The following EVI5L variants were observed in gnomAD, a reference collection of about 807,000 sequenced individuals.
EVI5L encodes the protein EVI5-like protein.
EVI5L carries 30 observed loss-of-function variants against 106.1 expected under a neutral mutation model. The ratio of observed to expected loss-of-function variants is 0.28; its 90% confidence interval spans 0.21 to 0.38. EVI5L has a LOEUF of 0.38. EVI5L is among the 10% of genes least tolerant of loss of function. EVI5L has a pLI of 1.00. For synonymous variants in EVI5L, 489 were observed against 483.3 expected, an observed-to-expected ratio of 1.01 and a Z score of -0.15; for missense variants, 809 against 1,098.0, an observed-to-expected ratio of 0.74 and a Z score of 3.72.
rs768402594 is a variant in EVI5L, at chr19:7,851,619, G to C, written c.897+42G>C. ...CCTGGGGAGGGAAGAGAGCCCCTTG[G>C]GGGTGGTTGGAACAGGAGCCTCCCT... On this transcript the variant is annotated intron_variant, in intron 7 of 19. Transcript: ENST00000538904. 3.8e-6 allele frequency: 6 copies of C among 1,599,858 alleles called. No homozygotes were observed. The South Asian group carries it at 4.5e-5, about 12-fold the overall frequency.
At chr19:7,832,606 G>A (rs1978298353) in intron 1 of EVI5L, among the ~76,000 whole-genome samples, 1 of 152,138 alleles carries the variant, frequency 6.6e-6, no homozygotes, top group African/African-American at 2.4e-5. Context: ...TCTCGGAGGG[G>A]AGTCCTATGG....
chr19:7,853,226 G>T, intron 9 of EVI5L, 43 bp downstream of exon 9: 1 of 1,613,938 alleles, frequency 6.2e-7, no homozygotes, highest in South Asian at 1.1e-5. Flanking sequence ...AAGAAGGGGG[G>T]ACCCCCGAGG....
At chr19:7,847,593 AAG>A (rs1491572882) in intron 2 of EVI5L, 137 bp from the exon 3 acceptor site, 4 of 757,182 alleles carry the variant, frequency 5.3e-6, no homozygotes, top group Admixed American at 7.4e-5. Context: ...CTCAAAGAAG[AAG>A]AAAAAAAAAA....
Position 7,862,492 on chromosome 19 carries a change from G to A in EVI5L, c.1905G>A (p.Gln635=), listed in dbSNP as rs1979863224. The part of the protein sequence containing the change: ...LAAQNKGLQT[Q]LSESRRKQAE... The stretch of plus-strand genomic sequence containing the variant: ...CACAGAACAAGGGGCTGCAGACGCA[G>A]CTCAGCGAAAGCCGCCGCAAGCAGG... The change falls in exon 17 of 20, where the codon CAG becomes CAA. Residue 635 remains glutamine (Q), a synonymous_variant. Transcript: ENST00000538904. 2 of 1,579,804 alleles carry A rather than the reference G, an allele frequency of 1.3e-6. No individual in the cohort carries two copies. Among genetic ancestry groups the A allele is most frequent in the African/African-American group, 2.7e-5 (2 of 73,442 alleles).
chr19:7,856,027 G>C lies in EVI5L; in HGVS notation c.1159G>C (p.Glu387Gln). The change falls in exon 11 of 20, where the codon GAG becomes CAG. Residue 387 changes from glutamate (E) to glutamine (Q), a missense_variant. By Grantham distance (29) the Glu-to-Gln change is conservative (BLOSUM62 2). Around this residue, in one of 2 missense-constraint regions of EVI5L, gnomAD observed 357 missense variants for 588.1 expected, o/e 0.61. Coordinates refer to ENST00000538904, the MANE Select transcript of EVI5L (RefSeq NM_001159944.3). The surrounding 1 kb of genome is among the most constrained non-coding windows in gnomAD (Gnocchi z 6.6). ...CCCACCCCCATAGAGACTTCGGACGGAGAACCGGCTCCTGAAACAGCGGAT... is the reference window on the plus strand; with the variant it reads ...CCCACCCCCATAGAGACTTCGGACGCAGAACCGGCTCCTGAAACAGCGGAT... The part of the protein sequence containing the change: ...EQIEIKRLRT[E>Q]NRLLKQRIET... The C allele has an allele frequency of 7.5e-7, 1 of 1,328,582 alleles. No individual in the cohort carries two copies. Among genetic ancestry groups the C allele is most frequent in the Middle Eastern group, 2.0e-4 (1 of 4,948 alleles). The allele number at this position is 1,328,582 out of a possible 1,614,324, so 82.3% of individuals were successfully genotyped here.
intron 10 of EVI5L, chr19:7,853,700 G>T: frequency 3.0e-6 from 1 of 329,336 alleles, no homozygotes; most frequent in Non-Finnish European, 5.8e-6. Flanking sequence ...CCAGGGTGTC[G>T]AGGGCTAAAG....
chr19:7,852,240 G>C (rs1321649468), intron 8 of EVI5L, among the ~76,000 whole-genome samples: 1 of 152,198 alleles, frequency 6.6e-6, no homozygotes, highest in African/African-American at 2.4e-5. Context: ...GCCTCCCACC[G>C]CTACTTCTCT....
Position 7,849,019 on chromosome 19 carries a change from G to C in EVI5L, c.426G>C (p.Glu142Asp). 1 of 1,613,668 alleles carries C rather than the reference G, an allele frequency of 6.2e-7. No individual in the cohort carries two copies. Among genetic ancestry groups the C allele is most frequent in the Non-Finnish European group, 8.5e-7 (1 of 1,180,040 alleles). ...TDMPVKNQYS[E>D]LLKMSSPCEK... is the part of the protein sequence containing the mutation. ...TGCCCGTCAAGAACCAGTACTCCGA[G>C]CTGCTCAAGATGTCCTCGCCGTGCG... The change falls in exon 4 of 20, where the codon GAG becomes GAC. Residue 142 changes from glutamate to aspartate, a missense_variant. By Grantham distance (45) the Glu-to-Asp change is conservative. Coordinates refer to ENST00000538904, the MANE Select transcript of EVI5L (RefSeq NM_001159944.3).
chr19:7,855,206 C>T (rs917401200), intron 10 of EVI5L, among the ~76,000 whole-genome samples: 44 of 150,798 alleles, frequency 2.9e-4, no homozygotes, highest in African/African-American at 1.0e-3. Context: ...AACCCCTGCT[C>T]CCGGGTTCAA....
chr19:7,853,236 G>A, intron 9 of EVI5L, 37 bp from the exon 10 acceptor site: 1 of 1,613,926 alleles, frequency 6.2e-7, no homozygotes, highest in Non-Finnish European at 8.5e-7. Flanking sequence ...GACCCCCGAG[G>A]GCATGACAGT....
Position 7,862,257 on chromosome 19 carries a change from G to A in EVI5L, c.1780G>A (p.Val594Met), listed in dbSNP as rs753752548. ...CGAGGGCCGCGAGCTGCGGCAGCGC[G>A]TGGTGGAACTTGAGACGCAGGTGGA... Reference protein sequence around the residue: ...LAEGRELRQRVVELETQDHIH... With the variant: ...LAEGRELRQRMVELETQDHIH... The change falls in exon 16 of 20, where the codon GTG (valine) becomes ATG (methionine). Residue 594 changes from valine (V) to methionine (M), a missense_variant. Physicochemically the swap from Val to Met is conservative, Grantham distance 21. Around this residue, in one of 2 missense-constraint regions of EVI5L, gnomAD observed 452 missense variants for 509.9 expected, o/e 0.89. Transcript: ENST00000538904. 21 of 1,578,844 alleles carry A rather than the reference G, an allele frequency of 1.3e-5. No homozygotes were observed. In the Admixed American group the frequency reaches 2.2e-4, roughly 17 times the overall value.
At position 7,846,662 on chromosome 19, in the gene EVI5L, G is replaced by A; in HGVS notation, c.120G>A (p.Lys40=). The change falls in exon 2 of 20, where the codon AAG becomes AAA. Residue 40 remains lysine, a synonymous_variant. Transcript: ENST00000538904. ...CCGATGAGCTGGAGCTGCTGGCCAA[G>A]CTCGAAGAGCAGAACCGGTGAGTTG... ...LSPDELELLA[K]LEEQNRLLEA... 1 of 1,613,216 alleles carries A rather than the reference G, an allele frequency of 6.2e-7. No individual in the cohort carries two copies. Among genetic ancestry groups the A allele is most frequent in the Non-Finnish European group, 8.5e-7 (1 of 1,179,770 alleles).
intron 17 of EVI5L, 134 bp from the exon 18 acceptor site, chr19:7,862,838 T>C (rs1599581875): frequency 5.0e-6 from 1 of 198,374 alleles, no homozygotes; most frequent in Non-Finnish European, 8.2e-6. Flanking sequence ...GTCCCGCCCC[T>C]GCCCGCGGTC....
intron 15 of EVI5L, 33 bp downstream of exon 15, chr19:7,862,051 GC>G (rs3217320): frequency 0.15 from 224,100 of 1,537,596 alleles, 16,889 homozygotes; most frequent in Non-Finnish European, 0.16. Context: ...CGGGCAGAGC[GC>G]CCCCTAGGGC....
intron 8 of EVI5L, 102 bp from the exon 9 acceptor site, chr19:7,852,984 G>C: frequency 1.8e-6 from 2 of 1,112,218 alleles, no homozygotes; most frequent in Non-Finnish European, 2.7e-6. Context: ...GACACCCCGG[G>C]CAGACCCGTT....
chr19:7,851,669 C>G lies in EVI5L; in HGVS notation c.898-12C>G. ...TGCCCTCCACCTCCCACTGCCTTTG[C>G]CGCCTTTGCAGGGGCTGGAGATCGT... On this transcript the variant is annotated splice_polypyrimidine_tract_variant and intron_variant, in intron 7 of 19. Coordinates refer to ENST00000538904, the MANE Select transcript of EVI5L (RefSeq NM_001159944.3). 1 of 1,585,558 alleles carries G rather than the reference C, an allele frequency of 6.3e-7. No homozygotes were observed. Among genetic ancestry groups the G allele is most frequent in the Non-Finnish European group, 8.6e-7 (1 of 1,168,290 alleles).
chr19:7,844,554 C>A (rs1189018751), intron 1 of EVI5L, among the ~76,000 whole-genome samples: 1 of 152,194 alleles, frequency 6.6e-6, no homozygotes, highest in African/African-American at 2.4e-5. Context: ...AGAGGTCCTT[C>A]TGATCAGCAC....
In EVI5L at chr19:7,863,278, G is replaced by C; in HGVS notation, c.2137G>C (p.Glu713Gln). The change falls in exon 19 of 20, where the codon GAG (glutamate) becomes CAG (glutamine). Residue 713 changes from glutamate (E) to glutamine (Q), a missense_variant and splice_region_variant. By Grantham distance (29) the Glu-to-Gln change is conservative (BLOSUM62 2). Coordinates refer to ENST00000538904, the MANE Select transcript of EVI5L (RefSeq NM_001159944.3). This position sits in a 1 kb window ranked among gnomAD's most constrained non-coding sequence, Gnocchi z 7.7. Reference protein sequence around the residue: ...LKDQIEELKAEVRLLKGPPPF... With the variant: ...LKDQIEELKAQVRLLKGPPPF... ...GGACCAGATCGAGGAGCTGAAGGCC[G>C]AGGTGAGCCGGCGCGGGGATGCCGG... 1 of 1,554,938 alleles carries C rather than the reference G, an allele frequency of 6.4e-7. No individual in the cohort carries two copies. Among genetic ancestry groups the C allele is most frequent in the Non-Finnish European group, 8.7e-7 (1 of 1,149,282 alleles).
intron 6 of EVI5L, 108 bp from the exon 7 acceptor site, chr19:7,851,326 C>A (rs1979238285): frequency 2.2e-6 from 3 of 1,368,130 alleles, no homozygotes; most frequent in Admixed American, 2.2e-5. Context: ...TCAGGCTGCC[C>A]AGCGCAGGTC....
Sources: gnomAD v4.1 joint callset for allele counts (sites outside exome capture counted in the v4.1 genomes callset) on GRCh38, gnomAD v4.1.1 for gene constraint, gnomAD v4.1.1 regional missense constraint, Gnocchi (gnomAD v3.1) non-coding constraint, MANE v1.5 for transcripts, NCBI Gene and HGNC (gene_info 2026-07-23, HGNC 2026-07-21) for gene names.